Variants in DLGAP2 observed in about 807,000 individuals in gnomAD.
DLGAP2 encodes disks large-associated protein 2.
DLGAP2 carries 26 observed loss-of-function variants against 100.3 expected under a neutral mutation model. The ratio of observed to expected loss-of-function variants is 0.26; its 90% confidence interval spans 0.19 to 0.36. DLGAP2 has a LOEUF of 0.36. Among genes scored for constraint, DLGAP2 ranks in the 10% least tolerant of loss-of-function variants. DLGAP2 has a pLI of 1.00. For synonymous variants in DLGAP2, 886 were observed against 630.1 expected, an observed-to-expected ratio of 1.41 and a Z score of -6.08; for missense variants, 1,858 against 1,453.2, an observed-to-expected ratio of 1.28 and a Z score of -4.53.
intron 3 of DLGAP2, among the ~76,000 whole-genome samples, chr8:1,466,869 T>G (rs28711964): frequency 0.26 from 40,238 of 152,048 alleles, 5,819 homozygotes; most frequent in East Asian, 0.57. Flanking sequence ...TTCTTTCTTT[T>G]TTCTACTTTT....
intron 1 of DLGAP2, among the ~76,000 whole-genome samples, chr8:803,544 G>A (rs912210423): frequency 1.4e-5 from 2 of 145,882 alleles, no homozygotes; most frequent in East Asian, 2.0e-4. Context: ...TGCCTCTGAC[G>A]TTACCAGTGA....
intron 3 of DLGAP2, among the ~76,000 whole-genome samples, chr8:1,498,853 G>C (rs1799623464): frequency 6.6e-6 from 1 of 152,168 alleles, no homozygotes. Flanking sequence ...GATAAGGAAG[G>C]ATGGTACCCA....
At chr8:1,288,864 C>A (rs914282443) in intron 3 of DLGAP2, among the ~76,000 whole-genome samples, 5 of 152,068 alleles carry the variant, frequency 3.3e-5, no homozygotes, top group African/African-American at 1.2e-4. Context: ...ACACAGTGTT[C>A]ATTCCTCCAT....
intron 3 of DLGAP2, among the ~76,000 whole-genome samples, chr8:1,319,044 G>A (rs899942337): frequency 6.7e-6 from 1 of 148,292 alleles, no homozygotes; most frequent in Non-Finnish European, 1.5e-5. Context: ...GCGAACAATG[G>A]GCTCCCTGTT....
intron 3 of DLGAP2, among the ~76,000 whole-genome samples, chr8:1,450,554 C>T (rs1216327977): frequency 6.6e-6 from 1 of 152,104 alleles, no homozygotes; most frequent in Non-Finnish European, 1.5e-5. Context: ...CACTGCGGGG[C>T]TGGCAGGACT....
intron 5 of DLGAP2, among the ~76,000 whole-genome samples, chr8:1,561,727 C>G (rs867556821): frequency 7.3e-6 from 1 of 137,890 alleles, no homozygotes; most frequent in African/African-American, 2.8e-5. Flanking sequence ...GGGGTGTCCG[C>G]GCCTCGTTTC....
At chr8:1,265,682 G>A (rs894829295) in intron 3 of DLGAP2, among the ~76,000 whole-genome samples, 8 of 152,162 alleles carry the variant, frequency 5.3e-5, no homozygotes, top group Non-Finnish European at 8.8e-5. Flanking sequence ...AGGAGACAAA[G>A]AATCAATAAA....
At chr8:1,603,478 G>A (rs1385821320) in intron 6 of DLGAP2, among the ~76,000 whole-genome samples, 1 of 151,622 alleles carries the variant, frequency 6.6e-6, no homozygotes, top group Non-Finnish European at 1.5e-5. Context: ...TGTAGAGGCT[G>A]GTTAGAGTGG....
At chr8:1,115,590 A>G (rs1415453979) in intron 2 of DLGAP2, among the ~76,000 whole-genome samples, 1 of 152,196 alleles carries the variant, frequency 6.6e-6, no homozygotes, top group Non-Finnish European at 1.5e-5. Flanking sequence ...TAAATGATCT[A>G]AATACAGTGG....
intron 3 of DLGAP2, among the ~76,000 whole-genome samples, chr8:1,387,573 C>G (rs1217160430): frequency 2.0e-5 from 3 of 152,210 alleles, no homozygotes; most frequent in Admixed American, 2.0e-4. Flanking sequence ...AACTGCACCA[C>G]TGGACGTGGC....
At chr8:1,450,455 T>TC (rs1293277397) in intron 3 of DLGAP2, among the ~76,000 whole-genome samples, 1 of 68,796 alleles carries the variant, frequency 1.5e-5, no homozygotes, top group Non-Finnish European at 3.0e-5. Context: ...CCTCGGTGGC[T>TC]GTGGCTGAGG....
At chr8:1,512,752 C>G (rs1399089785) in intron 4 of DLGAP2, among the ~76,000 whole-genome samples, 1 of 152,254 alleles carries the variant, frequency 6.6e-6, no homozygotes, top group Non-Finnish European at 1.5e-5. Flanking sequence ...GACTTCGCAG[C>G]TTTGACTTAT....
At chr8:861,329 T>G (rs912744126) in intron 1 of DLGAP2, among the ~76,000 whole-genome samples, 3 of 152,186 alleles carry the variant, frequency 2.0e-5, no homozygotes, top group Non-Finnish European at 4.4e-5. Flanking sequence ...GACTTGAGCA[T>G]TTGTGGAGTT....
chr8:795,889 G>C (rs556385464), intron 1 of DLGAP2, among the ~76,000 whole-genome samples: 23 of 126,206 alleles, frequency 1.8e-4, no homozygotes, highest in Middle Eastern at 4.4e-3. Flanking sequence ...GAGAGCAGGC[G>C]TCCAGTGAGA....
chr8:1,420,145 C>T (rs1184339160), intron 3 of DLGAP2, among the ~76,000 whole-genome samples: 1 of 152,110 alleles, frequency 6.6e-6, no homozygotes, highest in African/African-American at 2.4e-5. Context: ...AGTTCCAATC[C>T]TCTAATCACA....
intron 4 of DLGAP2, among the ~76,000 whole-genome samples, chr8:1,503,443 G>A (rs944163194): frequency 2.6e-5 from 4 of 152,102 alleles, no homozygotes; most frequent in African/African-American, 9.7e-5. Flanking sequence ...ATGTATCAAT[G>A]TGTCACACGC....
At position 982,684 on chromosome 8, in the gene DLGAP2, A is replaced by T. The variant is rs143478274; in HGVS notation, c.73+74718A>T. On this transcript the variant is annotated intron_variant, in intron 2 of 14. Coordinates refer to ENST00000637795, the MANE Select transcript of DLGAP2 (RefSeq NM_001346810.2). Reference sequence around the variant, plus strand: ...AATATGGATATGAGCAAATTCTTGGATTTGTGGTCTCAAGACTTTTGTGAA... The same window carrying T: ...AATATGGATATGAGCAAATTCTTGGTTTTGTGGTCTCAAGACTTTTGTGAA... 2.6e-3 allele frequency among the ~76,000 whole-genome samples: 402 copies of T among 152,226 alleles called. 1 individual carries two copies. Among genetic ancestry groups the T allele is most frequent in the African/African-American group, 9.2e-3 (382 of 41,524 alleles).
At chr8:1,260,255 C>A (rs11136371) in intron 3 of DLGAP2, among the ~76,000 whole-genome samples, 1 of 151,810 alleles carries the variant, frequency 6.6e-6, no homozygotes, top group African/African-American at 2.4e-5. Context: ...CCATTCCCAC[C>A]AGGGAATGCA....
chr8:1,206,175 A>T (rs1317679926), intron 2 of DLGAP2, among the ~76,000 whole-genome samples: 1 of 152,178 alleles, frequency 6.6e-6, no homozygotes, highest in Non-Finnish European at 1.5e-5. Flanking sequence ...CGCTGTGAGA[A>T]GGGTAGGTAC....
Sources: allele counts gnomAD v4.1 joint callset (sites outside exome capture counted in the v4.1 genomes callset), GRCh38; gene constraint gnomAD v4.1.1; transcripts MANE v1.5; gene names NCBI Gene and HGNC (gene_info 2026-07-23, HGNC 2026-07-21).